ARID1B: variants seen among roughly 807,000 people sequenced by gnomAD.
ARID1B encodes the protein AT-rich interactive domain-containing protein 1B.
Under a neutral mutation model 212.3 loss-of-function variants are expected in ARID1B, and 30 were observed. The observed-to-expected ratio is 0.14, with a 90% CI of 0.11 to 0.19. The LOEUF is 0.19. Ranked by LOEUF, ARID1B falls within the 10% of genes least tolerant of loss-of-function variation. The probability of loss-of-function intolerance (pLI) is 1.00; values close to 1 mark genes in which losing one functional copy is unlikely to be tolerated. For missense variants in ARID1B, 2,891 were observed against 3,204.0 expected (o/e 0.90, Z 2.36); for synonymous variants, 1,402 against 1,301.7 (o/e 1.08, Z -1.66).
In ARID1B at chr6:156,896,576, C is replaced by CAAAAAAAAAA. The variant is rs72490811; in HGVS notation, c.1987-4785_1987-4776dup. Among the ~76,000 whole-genome samples the CAAAAAAAAAA allele has an allele frequency of 1.1e-3, 50 of 45,910 alleles. 3 individuals are homozygous for CAAAAAAAAAA. Among genetic ancestry groups the CAAAAAAAAAA allele is most frequent in the African/African-American group, 4.9e-3 (46 of 9,420 alleles). 30.1% of individuals were successfully genotyped at this position (45,910 alleles called of 152,430 possible). A position where few individuals can be genotyped will look rare whatever the true frequency, so the allele number is the denominator to read the frequency against. Reference sequence around the variant, plus strand: ...GGGCAACAAGAGCAAAACTGCGTCTCAAAAAAAAAAAAAAAAAAAAAAAAG... The same window carrying CAAAAAAAAAA: ...GGGCAACAAGAGCAAAACTGCGTCTCAAAAAAAAAAAAAAAAAAAAAAAAAAAAAAAAAAG... On this transcript the variant is annotated intron_variant, in intron 2 of 19. Transcript: ENST00000636930.
intron 3 of ARID1B, among the ~76,000 whole-genome samples, chr6:156,922,194 A>G (rs558960419): frequency 8.2e-5 from 11 of 133,454 alleles, no homozygotes; most frequent in South Asian, 2.3e-4. Context: ...TTTTTTGGAG[A>G]TGGAGTCTTG....
At chr6:157,038,218 G>T (rs1781462984) in intron 4 of ARID1B, among the ~76,000 whole-genome samples, 1 of 152,140 alleles carries the variant, frequency 6.6e-6, no homozygotes, top group South Asian at 2.1e-4. Context: ...AGTTACTTCG[G>T]AAGTCAGTTT....
Position 156,778,457 on chromosome 6 carries a change from G to A in ARID1B, c.777G>A (p.Pro259=), listed in dbSNP as rs2114975098. 1.4e-6 allele frequency: 2 copies of A among 1,394,366 alleles called. No homozygotes were observed. The highest frequency in any genetic ancestry group is 3.2e-5 in the South Asian group (2 of 61,558). The allele number at this position is 1,394,366 out of a possible 1,614,324, so 86.4% of individuals were successfully genotyped here. Residue 259 remains proline (P), a synonymous_variant, in exon 1 of 20, where the codon CCG becomes CCA. Transcript: ENST00000636930. The part of the protein sequence containing the change: ...AAGGQADPPG[P]PLLSKPGDED... Reference sequence around the variant, plus strand: ...GCGGCCAGGCCGACCCCCCGGGCCCGCCGCTGCTGAGCAAGCCGGGCGACG... The same window carrying A: ...GCGGCCAGGCCGACCCCCCGGGCCCACCGCTGCTGAGCAAGCCGGGCGACG...
chr6:157,173,501 TGACTA>T (rs1182729892), intron 9 of ARID1B: 1 of 152,322 alleles, frequency 6.6e-6, no homozygotes, highest in Non-Finnish European at 1.5e-5. Context: ...CCCTTATTGT[TGACTA>T]GACTACGTGC....
intron 4 of ARID1B, chr6:156,940,593 A>G (rs535509358): frequency 8.5e-5 from 13 of 152,372 alleles, no homozygotes; most frequent in Non-Finnish European, 1.5e-4. Flanking sequence ...GGGCTTGGCT[A>G]TTAGCCGCAG....
rs149701181 is a variant in ARID1B, at chr6:156,973,334, TAGTTTATA to T, written c.2247+37763_2247+37770del. Among the ~76,000 whole-genome samples, 253 of 152,342 alleles carry T rather than the reference TAGTTTATA, an allele frequency of 1.7e-3. 2 individuals carry two copies. The East Asian group carries it at 0.043, about 26-fold the overall frequency. On this transcript the variant is annotated intron_variant, in intron 4 of 19. Transcript: ENST00000636930. ...AGAACTGTGCTGGTGTACGCATACG[TAGTTTATA>T]AGTTCCTATCATGAAGCAGTAACTG...
Position 156,778,829 on chromosome 6 carries a change from C to T in ARID1B, c.1149C>T (p.Gly383=). 6.2e-6 allele frequency: 9 copies of T among 1,441,390 alleles called. No homozygotes were observed. Among genetic ancestry groups the T allele is most frequent in the East Asian group, 3.0e-5 (1 of 32,916 alleles). The allele number at this position is 1,441,390 out of a possible 1,614,324, so 89.3% of individuals were successfully genotyped here. A position where few individuals can be genotyped will look rare whatever the true frequency, so the allele number is the denominator to read the frequency against. ...ACAGCCAGTGCAACCATTATCCGGGCTACAGCCGGCCCGGCGCGGGCGGCG... is the reference window on the plus strand; with the variant it reads ...ACAGCCAGTGCAACCATTATCCGGGTTACAGCCGGCCCGGCGCGGGCGGCG... ...YPNSQCNHYP[G]YSRPGAGGGG... is the part of the protein sequence containing the mutation. Residue 383 remains glycine, a synonymous_variant, in exon 1 of 20, where the codon GGC becomes GGT. Coordinates refer to ENST00000636930, the MANE Select transcript of ARID1B (RefSeq NM_001374828.1).
At chr6:157,113,167 T>A (rs1302764721) in intron 6 of ARID1B, among the ~76,000 whole-genome samples, 2 of 152,160 alleles carry the variant, frequency 1.3e-5, no homozygotes, top group Non-Finnish European at 2.9e-5. Flanking sequence ...GTGATGTACC[T>A]GCCTAGGCCT....
chr6:157,098,246 AAT>A (rs1785791967), intron 5 of ARID1B, among the ~76,000 whole-genome samples: 1 of 152,134 alleles, frequency 6.6e-6, no homozygotes, highest in Non-Finnish European at 1.5e-5. Flanking sequence ...GATTCGAGAG[AAT>A]GGAGCTGGTG....
chr6:156,835,109 G>A (rs1279634465), intron 2 of ARID1B, among the ~76,000 whole-genome samples: 4 of 151,886 alleles, frequency 2.6e-5, no homozygotes, highest in East Asian at 1.9e-4. Flanking sequence ...GCGTGGTGGC[G>A]GGCGCCTGTA....
intron 2 of ARID1B, among the ~76,000 whole-genome samples, chr6:156,877,732 CAG>C (rs939328686): frequency 6.7e-6 from 1 of 149,456 alleles, no homozygotes. Flanking sequence ...TTAAGTGAGA[CAG>C]AGTCTCGCTC....
chr6:156,845,589 G>A (rs1784180507), intron 2 of ARID1B, among the ~76,000 whole-genome samples: 1 of 152,068 alleles, frequency 6.6e-6, no homozygotes, highest in Non-Finnish European at 1.5e-5. Context: ...CATGTCTGTT[G>A]AGAAGTCCAG....
At chr6:156,833,264 A>G (rs866692116) in intron 2 of ARID1B, among the ~76,000 whole-genome samples, 4 of 152,060 alleles carry the variant, frequency 2.6e-5, no homozygotes, top group African/African-American at 9.7e-5. Flanking sequence ...TCTTTGCTGG[A>G]TCAGGAATGC....
intron 1 of ARID1B, among the ~76,000 whole-genome samples, chr6:156,818,218 T>G (rs1009303244): frequency 4.0e-5 from 6 of 151,154 alleles, no homozygotes; most frequent in Non-Finnish European, 8.8e-5. Flanking sequence ...TTACACATAG[T>G]TACAGCTCTG....
intron 11 of ARID1B, among the ~76,000 whole-genome samples, chr6:157,176,334 T>C (rs1045517852): frequency 6.6e-6 from 1 of 152,180 alleles, no homozygotes. Context: ...CTTTGTGTTA[T>C]TTGCTTTGAG....
chr6:157,177,439 T>C (rs1792176462), intron 11 of ARID1B, among the ~76,000 whole-genome samples: 1 of 152,222 alleles, frequency 6.6e-6, no homozygotes, highest in Non-Finnish European at 1.5e-5. Flanking sequence ...AAATTGCTCT[T>C]AATAGTGTCC....
intron 4 of ARID1B, chr6:157,024,437 A>T (rs1780524967): frequency 6.6e-6 from 1 of 152,246 alleles, no homozygotes; most frequent in Non-Finnish European, 1.5e-5. Flanking sequence ...GAAAGGGCTT[A>T]CTTGGTGTAG....
chr6:156,940,642 C>G (rs779362136), intron 4 of ARID1B: 16 of 152,194 alleles, frequency 1.1e-4, no homozygotes, highest in Non-Finnish European at 2.4e-4. Context: ...GAAGAATACT[C>G]TGTTTGTGTT....
intron 7 of ARID1B, among the ~76,000 whole-genome samples, chr6:157,145,671 C>G (rs1224413449): frequency 6.6e-6 from 1 of 152,174 alleles, no homozygotes; most frequent in Non-Finnish European, 1.5e-5. Context: ...CATAAATGTG[C>G]TTTTTCTTAA....
Sources: gnomAD v4.1 joint callset for allele counts (sites outside exome capture counted in the v4.1 genomes callset) on GRCh38, gnomAD v4.1.1 for gene constraint, MANE v1.5 for transcripts, NCBI Gene and HGNC (gene_info 2026-07-23, HGNC 2026-07-21) for gene names.